LRRFIP2: variants seen among roughly 807,000 people sequenced by gnomAD.
The protein encoded by LRRFIP2 is leucine-rich repeat flightless-interacting protein 2.
A neutral mutation model predicts 125.9 loss-of-function variants in LRRFIP2; 109 were observed. That is an observed-to-expected ratio of 0.87 (90% confidence interval 0.74 to 1.01). The LOEUF is 1.01. Ranked by LOEUF, LRRFIP2 falls within the 50% of genes least tolerant of loss-of-function variation. The pLI is 0.00. For missense variants in LRRFIP2, 850 were observed against 862.3 expected (o/e 0.99, Z 0.18); for synonymous variants, 291 against 293.1 (o/e 0.99, Z 0.07).
rs929866266 is a variant in LRRFIP2 at position 37,078,163 on chromosome 3, ATAAT to A, written c.1279-3051_1279-3048del. On this transcript the variant is annotated intron_variant, in intron 19 of 27. Coordinates refer to ENST00000336686, the MANE Select transcript of LRRFIP2 (RefSeq NM_006309.4). ...AATAAATTTATCATGTTTTTTAATG[ATAAT>A]TAAATTTTTTAAAATAAAAATAATT... Among the ~76,000 whole-genome samples, 57 of 152,114 alleles carry A rather than the reference ATAAT, an allele frequency of 3.7e-4. 1 individual carries two copies. The Middle Eastern group carries it at 0.024, about 64-fold the overall frequency.
intron 23 of LRRFIP2, chr3:37,065,309 C>T (rs1393888479): frequency 3.9e-6 from 1 of 257,542 alleles, no homozygotes; most frequent in African/African-American, 2.2e-5. Flanking sequence ...CTTTAAGAGT[C>T]TGGGAAGCCC....
intron 4 of LRRFIP2, among the ~76,000 whole-genome samples, chr3:37,125,924 G>A (rs966015245): frequency 2.0e-5 from 3 of 152,312 alleles, no homozygotes; most frequent in African/African-American, 7.2e-5. Context: ...TAAATGAGCA[G>A]AAGAATCAGT....
At chr3:37,054,075 G>A in intron 27 of LRRFIP2, 114 bp from the exon 28 acceptor site, 1 of 718,520 alleles carries the variant, frequency 1.4e-6, no homozygotes, top group Non-Finnish European at 2.5e-6. Context: ...GCCTTGCACA[G>A]GACCCACAAC....
chr3:37,112,795 A>G, intron 8 of LRRFIP2, 120 bp downstream of exon 8: 1 of 561,832 alleles, frequency 1.8e-6, no homozygotes, highest in East Asian at 2.8e-5. Context: ...TTTCTGATAA[A>G]TCATGTTTCA....
At chr3:37,135,929 C>A (rs1274373834) in intron 2 of LRRFIP2, among the ~76,000 whole-genome samples, 1 of 152,206 alleles carries the variant, frequency 6.6e-6, no homozygotes, top group Non-Finnish European at 1.5e-5. Context: ...ATCCATCCAC[C>A]TCTAAATATG....
intron 6 of LRRFIP2, among the ~76,000 whole-genome samples, chr3:37,119,296 A>C (rs1204833224): frequency 6.6e-6 from 1 of 152,220 alleles, no homozygotes. Flanking sequence ...AAATTTGTTT[A>C]ATGATACAAA....
intron 25 of LRRFIP2, among the ~76,000 whole-genome samples, chr3:37,056,063 C>A (rs1006198683): frequency 6.6e-6 from 1 of 152,144 alleles, no homozygotes; most frequent in African/African-American, 2.4e-5. Flanking sequence ...AGAAGAGGGG[C>A]CCTGTCTTGG....
At chr3:37,102,205 G>A (rs2094097526) in intron 15 of LRRFIP2, among the ~76,000 whole-genome samples, 1 of 152,072 alleles carries the variant, frequency 6.6e-6, no homozygotes, top group Non-Finnish European at 1.5e-5. Context: ...TGATGATAAT[G>A]ATATAAGAGA....
intron 21 of LRRFIP2, among the ~76,000 whole-genome samples, chr3:37,070,571 A>G (rs949789321): frequency 6.6e-6 from 1 of 151,782 alleles, no homozygotes; most frequent in Non-Finnish European, 1.5e-5. Context: ...CCCCATCTCT[A>G]CTAAAAATAC....
chr3:37,072,754 A>G, intron 21 of LRRFIP2, 36 bp downstream of exon 21: 1 of 1,280,758 alleles, frequency 7.8e-7, no homozygotes, highest in South Asian at 1.2e-5. Flanking sequence ...GTCCTCATCA[A>G]TGAGCTTCTA....
At chr3:37,130,556 A>G (rs1301970962) in intron 2 of LRRFIP2, among the ~76,000 whole-genome samples, 1 of 152,250 alleles carries the variant, frequency 6.6e-6, no homozygotes, top group African/African-American at 2.4e-5. Context: ...ATGGTTAACC[A>G]AGGTACAAAA....
intron 1 of LRRFIP2, among the ~76,000 whole-genome samples, chr3:37,157,163 C>A (rs1306031481): frequency 6.6e-6 from 1 of 152,034 alleles, no homozygotes; most frequent in Non-Finnish European, 1.5e-5. Context: ...AAGATTATGG[C>A]AGGTCACTGT....
At chr3:37,088,509 T>TAA (rs879257970) in intron 18 of LRRFIP2, among the ~76,000 whole-genome samples, 3 of 136,920 alleles carry the variant, frequency 2.2e-5, no homozygotes, top group African/African-American at 2.7e-5. Context: ...AGACTGCATT[T>TAA]AAAAAAAAAA....
At chr3:37,054,563 C>T (rs759941439) in intron 26 of LRRFIP2, 48 bp from the exon 27 acceptor site, 106 of 1,268,202 alleles carry the variant, frequency 8.4e-5, no homozygotes, top group Non-Finnish European at 1.1e-4. Context: ...CTAGAAGTCA[C>T]CACTTTTTGG....
chr3:37,125,718 AG>A (rs2095247873), intron 4 of LRRFIP2, among the ~76,000 whole-genome samples: 1 of 152,182 alleles, frequency 6.6e-6, no homozygotes, highest in African/African-American at 2.4e-5. Flanking sequence ...ACCCAAAAAA[AG>A]GTATTATAAT....
At chr3:37,144,738 T>C (rs1481024769) in intron 2 of LRRFIP2, among the ~76,000 whole-genome samples, 1 of 152,206 alleles carries the variant, frequency 6.6e-6, no homozygotes. Context: ...TTGACAGAAA[T>C]GCACTGAACT....
At chr3:37,080,908 A>G (rs1207547092) in intron 19 of LRRFIP2, among the ~76,000 whole-genome samples, 2 of 152,188 alleles carry the variant, frequency 1.3e-5, no homozygotes, top group Admixed American at 6.5e-5. Flanking sequence ...GAAACTACTG[A>G]AATTTTAACA....
chr3:37,120,993 T>G (rs1409971216), intron 6 of LRRFIP2, among the ~76,000 whole-genome samples: 1 of 152,150 alleles, frequency 6.6e-6, no homozygotes, highest in African/African-American at 2.4e-5. Flanking sequence ...ACCTGGGGCA[T>G]TCTATAAAAT....
rs1417844009 is a variant in LRRFIP2 at position 37,074,907 on chromosome 3, C to CAAAT, written c.1371+113_1371+116dup. 7.4e-6 allele frequency: 5 copies of CAAAT among 674,184 alleles called. No homozygotes were observed. The East Asian group carries it at 1.3e-4, about 18-fold the overall frequency. The allele number at this position is 674,184 out of a possible 1,614,324, so 41.8% of individuals were successfully genotyped here. ...TGTTTGAAAATTTGTAGTGTACAGT[C>CAAAT]AAATATAAAGAGACAAACTCTGATG... On this transcript the variant is annotated intron_variant, in intron 20 of 27. Transcript: ENST00000336686.
Sources: gnomAD v4.1 joint callset for allele counts (sites outside exome capture counted in the v4.1 genomes callset) on GRCh38, gnomAD v4.1.1 for gene constraint, MANE v1.5 for transcripts, NCBI Gene and HGNC (gene_info 2026-07-23, HGNC 2026-07-21) for gene names.